The following GRM7 variants were observed in gnomAD, a reference collection of about 807,000 sequenced individuals.
The protein encoded by GRM7 is glutamate metabotropic receptor 7.
Under a neutral mutation model 84.5 loss-of-function variants are expected in GRM7, and 35 were observed. That is an observed-to-expected ratio of 0.41 (90% CI 0.32 to 0.55). The LOEUF (loss-of-function observed/expected upper bound fraction) is 0.55, where lower values mean the gene tolerates loss of function less well. Among genes scored for constraint, GRM7 ranks in the 20% least tolerant of loss-of-function variants. GRM7 has a pLI of 0.19. For missense variants in GRM7, 1,003 were observed against 1,194.6 expected, an observed-to-expected ratio of 0.84 and a Z score of 2.36; for synonymous variants, 487 against 455.1, an observed-to-expected ratio of 1.07 and a Z score of -0.89.
chr3:7,055,337 C>T (rs1697176887), intron 1 of GRM7, among the ~76,000 whole-genome samples: 1 of 151,810 alleles, frequency 6.6e-6, no homozygotes, highest in South Asian at 2.1e-4. Context: ...GAAGTTGCTG[C>T]AACATCCTTC....
At chr3:6,930,438 G>A (rs1323928439) in intron 1 of GRM7, among the ~76,000 whole-genome samples, 2 of 152,080 alleles carry the variant, frequency 1.3e-5, no homozygotes, top group African/African-American at 4.8e-5. Context: ...TATCCAAATA[G>A]GTTCTCAATA....
chr3:6,955,208 A>G (rs546601105), intron 1 of GRM7, among the ~76,000 whole-genome samples: 42 of 152,158 alleles, frequency 2.8e-4, no homozygotes, highest in Admixed American at 2.4e-3. Context: ...AAACAATTAT[A>G]AAGAATAATA....
At chr3:7,092,170 G>A (rs764026246) in intron 1 of GRM7, among the ~76,000 whole-genome samples, 2 of 151,998 alleles carry the variant, frequency 1.3e-5, no homozygotes, top group Non-Finnish European at 2.9e-5. Context: ...CATTTTTAAA[G>A]TTTCTTTTAA....
At chr3:6,946,303 T>G (rs1342037342) in intron 1 of GRM7, among the ~76,000 whole-genome samples, 1 of 152,208 alleles carries the variant, frequency 6.6e-6, no homozygotes, top group Non-Finnish European at 1.5e-5. Flanking sequence ...CCAGCACCAT[T>G]TATTAAACAG....
chr3:6,890,245 G>C (rs1391067518), intron 1 of GRM7, among the ~76,000 whole-genome samples: 1 of 152,068 alleles, frequency 6.6e-6, no homozygotes, highest in Non-Finnish European at 1.5e-5. Flanking sequence ...GTTCTGCTCT[G>C]ATTTTAGTTA....
chr3:6,988,298 T>C (rs546487878), intron 1 of GRM7, among the ~76,000 whole-genome samples: 2 of 150,600 alleles, frequency 1.3e-5, no homozygotes, highest in Non-Finnish European at 2.9e-5. Context: ...CGTGATCCAC[T>C]GCGCCCAGCC....
intron 5 of GRM7, among the ~76,000 whole-genome samples, chr3:7,423,949 C>T (rs1301682482): frequency 1.3e-5 from 2 of 152,080 alleles, no homozygotes; most frequent in South Asian, 4.1e-4. Context: ...GCTTTAAGTA[C>T]AGCCTCACTG....
At chr3:7,473,489 G>GGA (rs372898836) in intron 7 of GRM7, among the ~76,000 whole-genome samples, 14,684 of 126,234 alleles carry the variant, frequency 0.12, 886 homozygotes, top group East Asian at 0.16. Context: ...AAAACGAGAG[G>GGA]GAGAGAGAGA....
intron 2 of GRM7, among the ~76,000 whole-genome samples, chr3:7,214,095 C>A (rs1433382924): frequency 2.1e-5 from 3 of 145,104 alleles, no homozygotes; most frequent in African/African-American, 5.3e-5. Flanking sequence ...GCTCACAGAG[C>A]TCATCTGAAC....
intron 1 of GRM7, among the ~76,000 whole-genome samples, chr3:7,029,312 A>G (rs1195249062): frequency 3.6e-5 from 4 of 112,270 alleles, no homozygotes; most frequent in African/African-American, 1.1e-4. Context: ...AAAAAAAAAA[A>G]AACAAAAAAA....
chr3:7,108,264 G>A (rs1302386569), intron 1 of GRM7, among the ~76,000 whole-genome samples: 3 of 152,056 alleles, frequency 2.0e-5, no homozygotes, highest in Admixed American at 6.6e-5. Context: ...ACTGTGTTAG[G>A]TTCTGTCTGA....
chr3:7,313,692 A>G (rs1191508732), intron 4 of GRM7, among the ~76,000 whole-genome samples: 1 of 152,186 alleles, frequency 6.6e-6, no homozygotes, highest in Non-Finnish European at 1.5e-5. Flanking sequence ...TACCTTTGCT[A>G]TTAATATATA....
intron 2 of GRM7, among the ~76,000 whole-genome samples, chr3:7,231,586 A>G (rs1223696151): frequency 3.3e-5 from 5 of 152,328 alleles, no homozygotes; most frequent in African/African-American, 1.2e-4. Context: ...CTTGAACAGT[A>G]AACAATTATC....
chr3:7,147,092 A>C (rs925975785), intron 2 of GRM7, among the ~76,000 whole-genome samples: 2 of 152,224 alleles, frequency 1.3e-5, no homozygotes, highest in Non-Finnish European at 2.9e-5. Flanking sequence ...TTTGAAGAAT[A>C]CCTGGAATTC....
rs561659825 is a variant in GRM7 at position 6,985,318 on chromosome 3, A to AT, written c.519+123421dup. Among the ~76,000 whole-genome samples the AT allele has an allele frequency of 4.6e-3, 673 of 147,720 alleles. 2 individuals are homozygous for AT. The highest frequency in any genetic ancestry group is 7.6e-3 in the African/African-American group (304 of 40,262). On this transcript the variant is annotated intron_variant, in intron 1 of 9. Transcript: ENST00000357716. ...GTAGTAGGTCTTATTCATTCTTTCT[A>AT]TTTTTTTTTTGTACCCATTAACCAT...
At chr3:7,649,260 G>A (rs540864801) in intron 8 of GRM7, among the ~76,000 whole-genome samples, 3 of 151,878 alleles carry the variant, frequency 2.0e-5, no homozygotes, top group East Asian at 3.9e-4. Flanking sequence ...TAGTAGAGAC[G>A]GGGTTTCACC....
intron 2 of GRM7, among the ~76,000 whole-genome samples, chr3:7,174,920 G>A (rs1240174076): frequency 6.6e-6 from 1 of 152,154 alleles, no homozygotes; most frequent in Non-Finnish European, 1.5e-5. Context: ...AGTAAAATGA[G>A]AATGACAATA....
chr3:7,173,368 A>G (rs1695046498), intron 2 of GRM7, among the ~76,000 whole-genome samples: 1 of 152,014 alleles, frequency 6.6e-6, no homozygotes, highest in Non-Finnish European at 1.5e-5. Flanking sequence ...AAACTTACCA[A>G]CTGCTCTCCC....
chr3:7,061,320 C>T (rs936781170), intron 1 of GRM7, among the ~76,000 whole-genome samples: 4 of 151,700 alleles, frequency 2.6e-5, no homozygotes, highest in African/African-American at 9.7e-5. Context: ...ATTTTTTAGA[C>T]TTTACTATGT....
Sources: allele counts gnomAD v4.1 joint callset (sites outside exome capture counted in the v4.1 genomes callset), GRCh38; gene constraint gnomAD v4.1.1; transcripts MANE v1.5; gene names NCBI Gene and HGNC (gene_info 2026-07-23, HGNC 2026-07-21).